Variants in PIWIL1 observed in about 807,000 individuals in gnomAD.
The protein encoded by PIWIL1 is piwi like RNA-mediated gene silencing 1.
In PIWIL1, 73 loss-of-function variants were observed where a neutral mutation model predicts 114.4. The observed-to-expected ratio is 0.64, with a 90% confidence interval of 0.53 to 0.78. The LOEUF (loss-of-function observed/expected upper bound fraction) is 0.78, where lower values mean the gene tolerates loss of function less well. Among genes scored for constraint, PIWIL1 ranks in the 30% least tolerant of loss-of-function variants. The pLI, the probability that PIWIL1 is intolerant of heterozygous loss-of-function variation, is 0.00. For missense variants in PIWIL1, 723 were observed against 1,063.1 expected, an observed-to-expected ratio of 0.68 and a Z score of 4.45; for synonymous variants, 375 against 369.0, an observed-to-expected ratio of 1.02 and a Z score of -0.19.
At chr12:130,409,168 C>T in the PIWIL1 span, among the ~76,000 whole-genome samples, 23 of 152,102 alleles carry the variant, frequency 1.5e-4, no homozygotes, top group Non-Finnish European at 3.1e-4. Flanking sequence ...CAGTACTTTA[C>T]GTTGTGATAA....
the PIWIL1 span, among the ~76,000 whole-genome samples, chr12:130,405,562 C>A: frequency 1.3e-5 from 2 of 152,182 alleles, no homozygotes; most frequent in Non-Finnish European, 2.9e-5. Flanking sequence ...CTGAGATAAC[C>A]CCACCCCATT....
the PIWIL1 span, among the ~76,000 whole-genome samples, chr12:130,411,171 A>G: frequency 2.0e-5 from 3 of 152,232 alleles, no homozygotes; most frequent in Admixed American, 6.5e-5. Flanking sequence ...ATGGAAATAG[A>G]ACTGATTTTT....
the PIWIL1 span, among the ~76,000 whole-genome samples, chr12:130,411,301 A>T: frequency 6.6e-6 from 1 of 152,258 alleles, no homozygotes; most frequent in African/African-American, 2.4e-5. Flanking sequence ...CTGTGAACAG[A>T]AAAAGTTGTA....
rs972856265 is a variant in PIWIL1 at position 130,372,064 on chromosome 12, T to A, written c.*466T>A. ...ACCATAGGTGGGGTTTCAGCTCATA[T>A]CTTAAAGATAAAAGGTACTATTATA... On this transcript the variant is annotated 3_prime_UTR_variant, in exon 21 of 21. Coordinates refer to ENST00000245255, the MANE Select transcript of PIWIL1 (RefSeq NM_004764.5). 5.2e-5 allele frequency: 8 copies of A among 152,898 alleles called. No individual in the cohort carries two copies. The highest frequency in any genetic ancestry group is 1.9e-4 in the African/African-American group (8 of 41,446). 9.5% of individuals were successfully genotyped at this position (152,898 alleles called of 1,614,324 possible). A position where few individuals can be genotyped will look rare whatever the true frequency, so the allele number is the denominator to read the frequency against.
downstream of PIWIL1, among the ~76,000 whole-genome samples, chr12:130,372,930 A>G (rs2073839649): frequency 6.6e-6 from 1 of 152,358 alleles, no homozygotes; most frequent in South Asian, 2.1e-4. Flanking sequence ...AGCTTTAATG[A>G]CAATACACAA....
At chr12:130,424,389 C>T in the PIWIL1 span, 43 of 1,232,568 alleles carry the variant, frequency 3.5e-5, no homozygotes, top group Middle Eastern at 6.2e-4. This position sits in a 1 kb window ranked among gnomAD's most constrained non-coding sequence, Gnocchi z 9.8. Flanking sequence ...CAGCGTCCGC[C>T]GCCGGGCCAG....
the PIWIL1 span, among the ~76,000 whole-genome samples, chr12:130,394,277 A>G: frequency 1.3e-5 from 2 of 152,292 alleles, no homozygotes; most frequent in Admixed American, 6.5e-5. Context: ...CTCTGTGATG[A>G]GAGGGGCTGC....
At chr12:130,345,723 T>G in intron 3 of PIWIL1, 30 bp from the exon 4 acceptor site, 1 of 1,612,990 alleles carries the variant, frequency 6.2e-7, no homozygotes, top group Non-Finnish European at 8.5e-7. Context: ...TCGTGCTTTA[T>G]GTTGCTCAAG....
the PIWIL1 span, chr12:130,399,954 C>T: frequency 2.9e-5 from 28 of 953,262 alleles, no homozygotes; most frequent in Non-Finnish European, 4.0e-5. Flanking sequence ...TGAAAGGACT[C>T]TAAATCAGGG....
chr12:130,375,133 C>T (rs1200195033), downstream of PIWIL1, among the ~76,000 whole-genome samples: 1 of 152,154 alleles, frequency 6.6e-6, no homozygotes, highest in Admixed American at 6.5e-5. Context: ...AGCTCCGATT[C>T]CTCCTTGCAG....
the PIWIL1 span, among the ~76,000 whole-genome samples, chr12:130,390,035 T>G: frequency 2.0e-5 from 3 of 152,222 alleles, no homozygotes; most frequent in African/African-American, 7.2e-5. Context: ...AAACCAGAGC[T>G]CCTAACATGA....
chr12:130,424,654 A>G, the PIWIL1 span: 1 of 1,231,652 alleles, frequency 8.1e-7, no homozygotes, highest in Non-Finnish European at 1.0e-6. The surrounding 1 kb of genome is among the most constrained non-coding windows in gnomAD (Gnocchi z 9.8). Flanking sequence ...TCGCCCCTGT[A>G]GGGCCTGCCG....
At chr12:130,406,292 G>A in the PIWIL1 span, 3 of 1,291,040 alleles carry the variant, frequency 2.3e-6, no homozygotes, top group Non-Finnish European at 2.2e-6. Context: ...CACAACAGTA[G>A]TAGTTTTTTA....
At chr12:130,355,413 T>G in intron 11 of PIWIL1, 140 bp from the exon 12 acceptor site, 1 of 698,846 alleles carries the variant, frequency 1.4e-6, no homozygotes, top group Non-Finnish European at 2.6e-6. Flanking sequence ...TGTGCTCCTG[T>G]GCCAGCTGGC....
At chr12:130,405,609 C>G in the PIWIL1 span, among the ~76,000 whole-genome samples, 1 of 151,114 alleles carries the variant, frequency 6.6e-6, no homozygotes, top group Non-Finnish European at 1.5e-5. Context: ...AAGACATGCT[C>G]CAGGGGAACA....
At chr12:130,353,662 C>T (rs1240200846) in intron 9 of PIWIL1, among the ~76,000 whole-genome samples, 1 of 152,156 alleles carries the variant, frequency 6.6e-6, no homozygotes, top group African/African-American at 2.4e-5. Flanking sequence ...TGCCGTGACT[C>T]ACGCCTCTAA....
At chr12:130,349,470 T>G (rs758075501) in intron 8 of PIWIL1, 34 bp downstream of exon 8, 1 of 1,431,960 alleles carries the variant, frequency 7.0e-7, no homozygotes, top group Admixed American at 1.7e-5. Context: ...CAATAATTTT[T>G]TGTGAGTCAA....
intron 14 of PIWIL1, 62 bp downstream of exon 14, chr12:130,357,615 T>C: frequency 9.6e-7 from 1 of 1,046,622 alleles, no homozygotes; most frequent in Non-Finnish European, 1.5e-6. Context: ...AGGGGGCATG[T>C]GTACATTTTG....
the PIWIL1 span, chr12:130,383,849 A>G: frequency 6.6e-6 from 1 of 152,210 alleles, no homozygotes; most frequent in Non-Finnish European, 1.5e-5. Flanking sequence ...TAAAACACAA[A>G]TCTCTGTCAT....
Sources: allele counts gnomAD v4.1 joint callset (sites outside exome capture counted in the v4.1 genomes callset), GRCh38; gene constraint gnomAD v4.1.1; non-coding constraint Gnocchi (gnomAD v3.1); transcripts MANE v1.5; gene names NCBI Gene and HGNC (gene_info 2026-07-23, HGNC 2026-07-21).